Variants in KATNA1 observed in about 807,000 individuals in gnomAD.
KATNA1 encodes the protein katanin catalytic subunit A1.
Under a neutral mutation model 62.6 loss-of-function variants are expected in KATNA1, and 42 were observed. That is an observed-to-expected ratio of 0.67 (90% CI 0.52 to 0.87). The LOEUF is 0.87. Ranked by LOEUF, KATNA1 falls within the 40% of genes least tolerant of loss-of-function variation. KATNA1 has a pLI of 0.00. For synonymous variants in KATNA1, 186 were observed against 201.9 expected (o/e 0.92, Z 0.67); for missense variants, 498 against 612.5 (o/e 0.81, Z 1.97).
chr6:149,610,558 GA>G (rs1778912010), intron 4 of KATNA1, among the ~76,000 whole-genome samples: 4 of 152,052 alleles, frequency 2.6e-5, no homozygotes, highest in Admixed American at 2.6e-4. Context: ...AAGAAAACAA[GA>G]AAATCTCCAC....
intron 4 of KATNA1, among the ~76,000 whole-genome samples, chr6:149,621,410 C>T (rs941726794): frequency 7.9e-5 from 12 of 151,970 alleles, no homozygotes; most frequent in African/African-American, 2.9e-4. Context: ...AGGCGTGAGC[C>T]ACCGCGCCCG....
At chr6:149,609,802 C>CAAAAAAAAAAAAAAAAAAAAAAA (rs1169018343) in intron 4 of KATNA1, among the ~76,000 whole-genome samples, 5 of 64,524 alleles carry the variant, frequency 7.7e-5, no homozygotes, top group East Asian at 1.1e-3. Flanking sequence ...GACTCCATCT[C>CAAAAAAAAAAAAAAAAAAAAAAA]AAAAAAAAAA....
At chr6:149,631,723 A>C (rs1240223451) in intron 3 of KATNA1, among the ~76,000 whole-genome samples, 3 of 152,216 alleles carry the variant, frequency 2.0e-5, no homozygotes, top group Non-Finnish European at 4.4e-5. Flanking sequence ...GTCAATATTT[A>C]AATCTATAAT....
At chr6:149,617,309 A>G (rs903553856) in intron 4 of KATNA1, among the ~76,000 whole-genome samples, 5 of 152,194 alleles carry the variant, frequency 3.3e-5, no homozygotes, top group African/African-American at 1.2e-4. Context: ...GAAATATTTT[A>G]AATGGTAAAT....
intron 3 of KATNA1, among the ~76,000 whole-genome samples, chr6:149,629,352 G>C (rs933008366): frequency 2.0e-5 from 3 of 152,164 alleles, no homozygotes; most frequent in Non-Finnish European, 2.9e-5. Flanking sequence ...CACTCTCTCT[G>C]TCATGTGAGC....
rs1180965888 is a variant in KATNA1 at position 149,601,822 on chromosome 6, C to G, written c.730-70G>C. 5 of 1,269,970 alleles carry G rather than the reference C, an allele frequency of 3.9e-6. No homozygotes were observed. In the East Asian group the frequency reaches 1.3e-4, roughly 34 times the overall value. 78.7% of individuals were successfully genotyped at this position (1,269,970 alleles called of 1,614,324 possible). On this transcript the variant is annotated intron_variant, in intron 6 of 10. Coordinates refer to ENST00000367411, the MANE Select transcript of KATNA1 (RefSeq NM_007044.4). Reference sequence around the variant, plus strand: ...GTTCTAATTCATAAAAGTGTCATTACTAAGTAGCAAATTTCGACCAACTTA... The same window carrying G: ...GTTCTAATTCATAAAAGTGTCATTAGTAAGTAGCAAATTTCGACCAACTTA...
chr6:149,628,819 CA>C (rs1285574683), intron 3 of KATNA1, among the ~76,000 whole-genome samples: 84 of 92,702 alleles, frequency 9.1e-4, no homozygotes, highest in Non-Finnish European at 9.0e-4. Context: ...GACTCCATCT[CA>C]AAAAAAAAAA....
intron 3 of KATNA1, 62 bp from the exon 4 acceptor site, chr6:149,623,345 T>C (rs1779483092): frequency 3.2e-6 from 4 of 1,234,572 alleles, no homozygotes; most frequent in South Asian, 3.3e-5. Flanking sequence ...ACACACATAC[T>C]GTGTAAGTTA....
chr6:149,606,577 C>T (rs1778747291), intron 4 of KATNA1, among the ~76,000 whole-genome samples: 2 of 151,310 alleles, frequency 1.3e-5, no homozygotes, highest in African/African-American at 4.9e-5. Flanking sequence ...ATTGAGCCTC[C>T]AATATTAGCA....
Position 149,595,239 on chromosome 6 carries a change from GT to G in KATNA1, c.1278-6del. The stretch of plus-strand genomic sequence containing the variant: ...ATTGCCATCAAGGACGCATCCCTAG[GT>G]TTTAAGTTAAAAACAACAACAACAC... On this transcript the variant is annotated splice_polypyrimidine_tract_variant and splice_region_variant and intron_variant, in intron 10 of 10. Transcript: ENST00000367411. The G allele has an allele frequency of 6.2e-7, 1 of 1,609,606 alleles. No homozygotes were observed.
chr6:149,628,603 C>G (rs113230526), intron 3 of KATNA1, among the ~76,000 whole-genome samples: 4 of 151,618 alleles, frequency 2.6e-5, no homozygotes, highest in African/African-American at 9.7e-5. Flanking sequence ...AGGTGGATCA[C>G]GAGGTCAGGA....
intron 7 of KATNA1, among the ~76,000 whole-genome samples, chr6:149,599,068 T>G (rs1032417198): frequency 6.6e-6 from 1 of 152,012 alleles, no homozygotes; most frequent in African/African-American, 2.4e-5. Flanking sequence ...TCTTATTATG[T>G]TGCCTAGGCT....
intron 1 of KATNA1, among the ~76,000 whole-genome samples, chr6:149,639,547 C>T (rs1236183008): frequency 1.3e-5 from 2 of 151,942 alleles, no homozygotes; most frequent in African/African-American, 2.4e-5. Context: ...TGCAGTGAGC[C>T]GAGATCGCAC....
intron 7 of KATNA1, among the ~76,000 whole-genome samples, chr6:149,599,348 A>G (rs190273470): frequency 2.2e-4 from 33 of 152,284 alleles, no homozygotes; most frequent in Admixed American, 1.2e-3. Context: ...ATTAAACTTC[A>G]GTCTGTTGCC....
At chr6:149,599,409 T>C (rs1778448127) in intron 7 of KATNA1, among the ~76,000 whole-genome samples, 1 of 152,216 alleles carries the variant, frequency 6.6e-6, no homozygotes, top group Non-Finnish European at 1.5e-5. Flanking sequence ...TGAGGTTATG[T>C]AGAATGATCT....
intron 3 of KATNA1, chr6:149,631,475 TCA>T (rs1349959746): frequency 2.6e-5 from 4 of 151,748 alleles, no homozygotes; most frequent in Admixed American, 1.3e-4. Flanking sequence ...AATTGATTGT[TCA>T]CAGTCAGTTA....
intron 7 of KATNA1, among the ~76,000 whole-genome samples, chr6:149,598,795 A>G (rs1778424820): frequency 6.6e-6 from 1 of 152,186 alleles, no homozygotes; most frequent in Non-Finnish European, 1.5e-5. Context: ...TCTTTCTCTC[A>G]CGCTAATACT....
chr6:149,642,078 T>G (rs1363025393), intron 1 of KATNA1, among the ~76,000 whole-genome samples: 1 of 152,110 alleles, frequency 6.6e-6, no homozygotes, highest in Non-Finnish European at 1.5e-5. Context: ...AATTTTTGTA[T>G]TTTTAGTAGA....
intron 2 of KATNA1, among the ~76,000 whole-genome samples, chr6:149,637,727 T>C (rs1015653582): frequency 2.0e-5 from 3 of 151,996 alleles, no homozygotes; most frequent in African/African-American, 4.8e-5. Flanking sequence ...CTCGGGAGGC[T>C]TGAACCTGGG....
Sources: allele counts gnomAD v4.1 joint callset (sites outside exome capture counted in the v4.1 genomes callset), GRCh38; gene constraint gnomAD v4.1.1; transcripts MANE v1.5; gene names NCBI Gene and HGNC (gene_info 2026-07-23, HGNC 2026-07-21).